The following COX10 variants were observed in gnomAD, a reference collection of about 807,000 sequenced individuals.
COX10 encodes the protein protoheme IX farnesyltransferase, mitochondrial.
COX10 carries 27 observed loss-of-function variants against 37.3 expected under a neutral mutation model. That is an observed-to-expected ratio of 0.72 (90% CI 0.53 to 1.00). The LOEUF is 1.00. COX10 is among the 50% of genes least tolerant of loss of function. COX10 has a pLI of 0.00. For missense variants in COX10, 475 were observed against 563.2 expected, an observed-to-expected ratio of 0.84 and a Z score of 1.59; for synonymous variants, 222 against 229.1, an observed-to-expected ratio of 0.97 and a Z score of 0.28.
chr17:14,120,656 T>A (rs1195153531), intron 4 of COX10, among the ~76,000 whole-genome samples: 1 of 152,060 alleles, frequency 6.6e-6, no homozygotes, highest in African/African-American at 2.4e-5. Context: ...GCAGATGTCA[T>A]GCAAATGGGA....
At chr17:14,152,134 A>T (rs1350565062) in intron 4 of COX10, among the ~76,000 whole-genome samples, 1 of 152,192 alleles carries the variant, frequency 6.6e-6, no homozygotes, top group Non-Finnish European at 1.5e-5. Context: ...AAGTTTGATC[A>T]GAATGTCAGA....
At chr17:14,149,461 G>A (rs979482495) in intron 4 of COX10, among the ~76,000 whole-genome samples, 2 of 152,152 alleles carry the variant, frequency 1.3e-5, no homozygotes, top group Non-Finnish European at 2.9e-5. Flanking sequence ...GGAGAAAATA[G>A]TATATGTGTT....
Position 14,207,237 on chromosome 17 carries a change from C to T in COX10, c.*24C>T. Reference sequence around the variant, plus strand: ...GAGAGCACTGGGACGCCCACCGCCCCTTTCCCTCCGCTGCCAGGCGAGCAT... The same window carrying T: ...GAGAGCACTGGGACGCCCACCGCCCTTTTCCCTCCGCTGCCAGGCGAGCAT... On this transcript the variant is annotated 3_prime_UTR_variant, in exon 7 of 7. Coordinates refer to ENST00000261643, the MANE Select transcript of COX10 (RefSeq NM_001303.4). 1 of 1,553,110 alleles carries T rather than the reference C, an allele frequency of 6.4e-7. No individual in the cohort carries two copies. Among genetic ancestry groups the T allele is most frequent in the African/African-American group, 1.4e-5 (1 of 73,762 alleles).
At chr17:14,124,041 C>T (rs1597510048) in intron 4 of COX10, among the ~76,000 whole-genome samples, 2 of 152,230 alleles carry the variant, frequency 1.3e-5, no homozygotes, top group South Asian at 4.1e-4. Flanking sequence ...CAGTTGATTG[C>T]ATGGTGGTTA....
At chr17:14,175,409 A>G (rs1328826552) in intron 5 of COX10, among the ~76,000 whole-genome samples, 1 of 151,810 alleles carries the variant, frequency 6.6e-6, no homozygotes, top group South Asian at 2.1e-4. Context: ...GCCTGACCAT[A>G]TTACTAAACT....
intron 4 of COX10, among the ~76,000 whole-genome samples, chr17:14,149,598 A>T (rs1002061960): frequency 5.9e-5 from 9 of 152,104 alleles, no homozygotes; most frequent in Admixed American, 5.9e-4. Context: ...TCTTGGAGCT[A>T]AGCAGAAATA....
At chr17:14,155,408 G>A (rs1415856084) in intron 4 of COX10, among the ~76,000 whole-genome samples, 1 of 151,808 alleles carries the variant, frequency 6.6e-6, no homozygotes, top group Non-Finnish European at 1.5e-5. Flanking sequence ...CACACGTAGT[G>A]GTTTTATTGA....
intron 5 of COX10, among the ~76,000 whole-genome samples, chr17:14,164,634 A>G (rs1905238550): frequency 6.6e-6 from 1 of 152,176 alleles, no homozygotes; most frequent in African/African-American, 2.4e-5. Flanking sequence ...TGTTGAGGAA[A>G]ATAAACAACG....
intron 5 of COX10, among the ~76,000 whole-genome samples, chr17:14,163,296 C>A (rs951108616): frequency 6.6e-6 from 1 of 150,896 alleles, no homozygotes; most frequent in Non-Finnish European, 1.5e-5. Flanking sequence ...CACTCTCTTG[C>A]CCAGGCTAGA....
chr17:14,144,191 T>C (rs540792426), intron 4 of COX10, among the ~76,000 whole-genome samples: 1 of 152,288 alleles, frequency 6.6e-6, no homozygotes, highest in African/African-American at 2.4e-5. Flanking sequence ...CCAATTTTAT[T>C]GATTAGTATG....
intron 5 of COX10, among the ~76,000 whole-genome samples, chr17:14,175,569 G>C (rs1905660853): frequency 6.6e-6 from 1 of 151,790 alleles, no homozygotes; most frequent in African/African-American, 2.4e-5. Context: ...TGTGTCCTCA[G>C]CATCTCTGGA....
At chr17:14,183,697 A>G (rs71366143) in intron 5 of COX10, among the ~76,000 whole-genome samples, 29,673 of 150,542 alleles carry the variant, frequency 0.2, 217 homozygotes, top group Admixed American at 0.27. Context: ...AAGTCTGACA[A>G]AATAAATCAG....
intron 3 of COX10, among the ~76,000 whole-genome samples, chr17:14,083,325 A>C (rs1267367280): frequency 1.3e-5 from 2 of 152,196 alleles, no homozygotes; most frequent in African/African-American, 4.8e-5. Context: ...TATTACTTGA[A>C]GTCACATGTG....
chr17:14,136,846 A>G (rs192531292), intron 4 of COX10, among the ~76,000 whole-genome samples: 115 of 152,202 alleles, frequency 7.6e-4, no homozygotes, highest in Middle Eastern at 3.4e-3. Context: ...TTTTTCATAA[A>G]GTAAAAGCTA....
intron 3 of COX10, 28 bp from the exon 4 acceptor site, chr17:14,102,090 G>A (rs749601841): frequency 9.3e-6 from 15 of 1,613,216 alleles, no homozygotes; most frequent in Non-Finnish European, 1.3e-5. Context: ...GTTGGTAACA[G>A]TGTGTCTGCT....
chr17:14,189,090 T>C, intron 5 of COX10, among the ~76,000 whole-genome samples: 1 of 147,322 alleles, frequency 6.8e-6, no homozygotes. Context: ...TTTTTTTTTT[T>C]TTTTTTGAAG....
intron 4 of COX10, among the ~76,000 whole-genome samples, chr17:14,105,525 T>G (rs1368352861): frequency 1.3e-5 from 2 of 152,240 alleles, no homozygotes; most frequent in Non-Finnish European, 2.9e-5. Flanking sequence ...AATTATTCTT[T>G]AAGGCTTATA....
chr17:14,104,921 G>A (rs1390282984), intron 4 of COX10, among the ~76,000 whole-genome samples: 1 of 152,120 alleles, frequency 6.6e-6, no homozygotes, highest in Admixed American at 6.5e-5. Flanking sequence ...TGAAACCGTA[G>A]TGTGGCTTTA....
intron 5 of COX10, among the ~76,000 whole-genome samples, chr17:14,185,042 TCTC>T (rs1211973118): frequency 2.0e-5 from 3 of 150,080 alleles, no homozygotes; most frequent in South Asian, 2.1e-4. Context: ...TAGCCTTTCT[TCTC>T]CTCATCTTGC....
Sources: gnomAD v4.1 joint callset for allele counts (sites outside exome capture counted in the v4.1 genomes callset) on GRCh38, gnomAD v4.1.1 for gene constraint, MANE v1.5 for transcripts, NCBI Gene and HGNC (gene_info 2026-07-23, HGNC 2026-07-21) for gene names.